ADAM18: variants seen among roughly 807,000 people sequenced by gnomAD.
ADAM18 encodes ADAM metallopeptidase domain 18.
Under a neutral mutation model 94.4 loss-of-function variants are expected in ADAM18, and 117 were observed. The ratio of observed to expected loss-of-function variants is 1.24; its 90% CI spans 1.07 to 1.45. The LOEUF is 1.45. ADAM18 is among the 40% of genes most tolerant of loss of function. ADAM18 has a pLI of 0.00. For synonymous variants in ADAM18, 327 were observed against 291.6 expected (o/e 1.12, Z -1.24); for missense variants, 936 against 880.0 (o/e 1.06, Z -0.81).
At chr8:39,729,872 A>G (rs1479659749) in intron 19 of ADAM18, 26 bp from the exon 20 acceptor site, 3 of 1,604,840 alleles carry the variant, frequency 1.9e-6, no homozygotes, top group Non-Finnish European at 1.7e-6. Context: ...GTGAATTTCT[A>G]TTTTTTCTGT....
rs369537598 is a variant in ADAM18, at chr8:39,729,984, G to A, written c.*44G>A. 27 of 1,572,144 alleles carry A rather than the reference G, an allele frequency of 1.7e-5. No individual in the cohort carries two copies. The highest frequency in any genetic ancestry group is 2.2e-5 in the East Asian group (1 of 44,676). The stretch of plus-strand genomic sequence containing the variant: ...TAGCAAATAACCTAAAGGAACGAAT[G>A]TGCTTTATTTATAACCTTACGTTAT... On this transcript the variant is annotated 3_prime_UTR_variant, in exon 20 of 20. Transcript: ENST00000265707.
intron 12 of ADAM18, among the ~76,000 whole-genome samples, chr8:39,654,154 CTTTTTTTTTTT>C (rs1177248372): frequency 7.2e-6 from 1 of 139,852 alleles, no homozygotes; most frequent in African/African-American, 2.7e-5. Context: ...GATTTCATTC[CTTTTTTTTTTT>C]TTTTTTTTTG....
intron 12 of ADAM18, among the ~76,000 whole-genome samples, chr8:39,661,078 T>G (rs546900688): frequency 6.6e-6 from 1 of 151,878 alleles, no homozygotes; most frequent in African/African-American, 2.4e-5. Context: ...ATTGATCATT[T>G]AAGTACATGA....
At chr8:39,590,148 T>C (rs1818528777) in intron 2 of ADAM18, among the ~76,000 whole-genome samples, 3 of 151,782 alleles carry the variant, frequency 2.0e-5, no homozygotes, top group East Asian at 1.9e-4. Context: ...ATGTTTATTG[T>C]GGCATTATTC....
intron 12 of ADAM18, among the ~76,000 whole-genome samples, chr8:39,656,817 C>T (rs984857215): frequency 1.3e-5 from 2 of 152,188 alleles, no homozygotes; most frequent in African/African-American, 2.4e-5. Context: ...ATTTGTGAAT[C>T]GATGCTCAGC....
chr8:39,711,516 A>G (rs953757623), intron 18 of ADAM18, among the ~76,000 whole-genome samples: 1 of 152,214 alleles, frequency 6.6e-6, no homozygotes, highest in African/African-American at 2.4e-5. Context: ...AAGAAAATCA[A>G]GAAAAACATG....
chr8:39,637,538 T>A lies in ADAM18; in HGVS notation c.662T>A (p.Met221Lys), dbSNP rs1464794282. 5 of 1,606,370 alleles carry A rather than the reference T, an allele frequency of 3.1e-6. No individual in the cohort carries two copies. The highest frequency in any genetic ancestry group is 4.3e-6 in the Non-Finnish European group (5 of 1,176,414). ...ATGTACAATACATCTTATTTTTAGA[T>A]GTTTACCCAGTTCAAATTGACTGTT... ...IVQVIGLVNT[M>K]FTQFKLTVIL... The change falls in exon 9 of 20, where the codon ATG becomes AAG. Residue 221 changes from methionine to lysine, a missense_variant and splice_region_variant. Met to Lys is a moderately conservative substitution (Grantham distance 95). Coordinates refer to ENST00000265707, the MANE Select transcript of ADAM18 (RefSeq NM_014237.3).
chr8:39,650,177 C>T (rs1371311004), intron 12 of ADAM18, among the ~76,000 whole-genome samples: 1 of 152,140 alleles, frequency 6.6e-6, no homozygotes, highest in African/African-American at 2.4e-5. Flanking sequence ...ACACTCCTGA[C>T]ATCAGAGGCC....
intron 17 of ADAM18, 131 bp downstream of exon 17, chr8:39,692,811 C>T: frequency 1.7e-6 from 1 of 581,880 alleles, no homozygotes; most frequent in Non-Finnish European, 2.9e-6. Context: ...AATTAACTGA[C>T]CTAATTTCAA....
intron 7 of ADAM18, among the ~76,000 whole-genome samples, chr8:39,636,609 A>G (rs959573341): frequency 9.2e-5 from 14 of 152,224 alleles, no homozygotes; most frequent in Admixed American, 3.3e-4. Flanking sequence ...ATGTTTTTAT[A>G]TACATAGTGT....
chr8:39,666,260 G>T (rs922563165), intron 13 of ADAM18, among the ~76,000 whole-genome samples: 2 of 152,004 alleles, frequency 1.3e-5, no homozygotes, highest in African/African-American at 4.8e-5. Context: ...GGCTGTCCTT[G>T]AACTTCTGAG....
intron 6 of ADAM18, among the ~76,000 whole-genome samples, chr8:39,625,465 G>A (rs1229679755): frequency 1.3e-5 from 2 of 152,030 alleles, no homozygotes; most frequent in Non-Finnish European, 1.5e-5. Context: ...TTAGGTATAT[G>A]ATTATAACAT....
chr8:39,698,072 A>G (rs912161026), intron 17 of ADAM18, among the ~76,000 whole-genome samples: 1 of 151,770 alleles, frequency 6.6e-6, no homozygotes, highest in African/African-American at 2.4e-5. Context: ...CACCAAATTT[A>G]TGGTTTTGTA....
chr8:39,682,439 T>G (rs1821490396), intron 16 of ADAM18, among the ~76,000 whole-genome samples: 1 of 152,116 alleles, frequency 6.6e-6, no homozygotes, highest in South Asian at 2.1e-4. Flanking sequence ...CTGAGATAAT[T>G]GCTCAAAGTC....
intron 12 of ADAM18, among the ~76,000 whole-genome samples, chr8:39,656,449 C>T (rs559931962): frequency 6.6e-6 from 1 of 152,078 alleles, no homozygotes; most frequent in South Asian, 2.1e-4. Context: ...TAGTCTTTAC[C>T]TATTTGGTTT....
In ADAM18 at chr8:39,729,999, C is replaced by A; in HGVS notation, c.*59C>A. 1 of 1,521,944 alleles carries A rather than the reference C, an allele frequency of 6.6e-7. No homozygotes were observed. Among genetic ancestry groups the A allele is most frequent in the South Asian group, 1.1e-5 (1 of 88,622 alleles). The allele number at this position is 1,521,944 out of a possible 1,614,324, so 94.3% of individuals were successfully genotyped here. ...AGGAACGAATGTGCTTTATTTATAA[C>A]CTTACGTTATCCCCAATGCATTGTA... On this transcript the variant is annotated 3_prime_UTR_variant, in exon 20 of 20. Coordinates refer to ENST00000265707, the MANE Select transcript of ADAM18 (RefSeq NM_014237.3).
At chr8:39,607,784 G>A (rs1819135290) in intron 3 of ADAM18, among the ~76,000 whole-genome samples, 1 of 146,136 alleles carries the variant, frequency 6.8e-6, no homozygotes, top group South Asian at 2.2e-4. Flanking sequence ...GAATCTTAGA[G>A]TACTCCATAG....
At chr8:39,587,132 C>T (rs1348871073) in intron 2 of ADAM18, among the ~76,000 whole-genome samples, 5 of 152,168 alleles carry the variant, frequency 3.3e-5, no homozygotes. Flanking sequence ...TGAATATATG[C>T]ATACACCCAT....
intron 12 of ADAM18, among the ~76,000 whole-genome samples, chr8:39,657,801 G>C (rs557256082): frequency 6.6e-6 from 1 of 152,058 alleles, no homozygotes; most frequent in Non-Finnish European, 1.5e-5. Flanking sequence ...TGAAAAAGAC[G>C]TGAAAGAACA....
Sources: allele counts gnomAD v4.1 joint callset (sites outside exome capture counted in the v4.1 genomes callset), GRCh38; gene constraint gnomAD v4.1.1; transcripts MANE v1.5; gene names NCBI Gene and HGNC (gene_info 2026-07-23, HGNC 2026-07-21).